TERT: variants seen among roughly 807,000 people sequenced by gnomAD.
The protein encoded by TERT is telomerase catalytic subunit.
In TERT, 42 loss-of-function variants were observed where a neutral mutation model predicts 104.0. The observed-to-expected ratio is 0.40, with a 90% CI of 0.32 to 0.52. The LOEUF is 0.52. Ranked by LOEUF, TERT falls within the 20% of genes least tolerant of loss-of-function variation. TERT has a pLI of 0.43. For synonymous variants in TERT, 781 were observed against 725.6 expected, an observed-to-expected ratio of 1.08 and a Z score of -1.23; for missense variants, 1,101 against 1,610.3, an observed-to-expected ratio of 0.68 and a Z score of 5.41.
In TERT at chr5:1,287,266, G is replaced by A. The variant is rs1047618394; in HGVS notation, c.1574-4642C>T. Reference sequence around the variant, plus strand: ...CTGTAATTCAGCACTTTGGGAAGCCGAGGTAGATGGATCCCTTGAGTCCAA... The same window carrying A: ...CTGTAATTCAGCACTTTGGGAAGCCAAGGTAGATGGATCCCTTGAGTCCAA... On this transcript the variant is annotated intron_variant, in intron 2 of 15. Transcript: ENST00000310581. The surrounding 1 kb of genome is among the most constrained non-coding windows in gnomAD (Gnocchi z 4.3). Among the ~76,000 whole-genome samples the A allele has an allele frequency of 5.3e-5, 8 of 151,986 alleles. No homozygotes were observed. The South Asian group carries it at 1.2e-3, about 24-fold the overall frequency.
intron 6 of TERT, among the ~76,000 whole-genome samples, chr5:1,277,052 C>T (rs539571775): frequency 2.8e-4 from 42 of 152,330 alleles, no homozygotes; most frequent in Non-Finnish European, 4.9e-4. Flanking sequence ...CGGGGCAGGA[C>T]GGACAGCCAC....
In TERT at chr5:1,270,667, G is replaced by A. The variant is rs576612828; in HGVS notation, c.2468+452C>T. ...TCTAGTCACAGAGAGAAGAGCCCGC[G>A]CCCTCGCGGGGGTCACACGACAGGG... On this transcript the variant is annotated intron_variant, in intron 8 of 15. Coordinates refer to ENST00000310581, the MANE Select transcript of TERT (RefSeq NM_198253.3). This position sits in a 1 kb window ranked among gnomAD's most constrained non-coding sequence, Gnocchi z 8.3. Among the ~76,000 whole-genome samples, 11 of 152,328 alleles carry A rather than the reference G, an allele frequency of 7.2e-5. No individual in the cohort carries two copies. The highest frequency in any genetic ancestry group is 2.4e-4 in the African/African-American group (10 of 41,576).
In TERT at chr5:1,293,325, G is replaced by C. The variant is rs1448835821; in HGVS notation, c.1561C>G (p.Arg521Gly). ...KMSVRDCAWL[R>G]RSPGVGCVPA... ...ACCACCTCCTCACCTGGGCTCCTGC[G>C]CAGCCAAGCGCAGTCCCGCACGCTC... is the stretch of plus-strand genomic sequence containing the variant. The change falls in exon 2 of 16, where the codon CGC becomes GGC. Residue 521 changes from arginine (R) to glycine (G), a missense_variant. Arg to Gly is a moderately radical substitution (Grantham distance 125). Coordinates refer to ENST00000310581, the MANE Select transcript of TERT (RefSeq NM_198253.3). 6.2e-7 allele frequency: 1 copy of C among 1,613,006 alleles called. No individual in the cohort carries two copies. The highest frequency in any genetic ancestry group is 8.5e-7 in the Non-Finnish European group (1 of 1,179,996).
intron 3 of TERT, 66 bp downstream of exon 3, chr5:1,282,363 C>A (rs1750076964): frequency 1.3e-6 from 2 of 1,541,964 alleles, no homozygotes; most frequent in South Asian, 1.1e-5. Flanking sequence ...GAGACAGGCG[C>A]ATGCTGAGGC....
rs1243681370 is a variant in TERT at position 1,253,554 on chromosome 5, C to A, written c.*174G>T. The A allele has an allele frequency of 3.1e-6, 2 of 646,730 alleles. No individual in the cohort carries two copies. The highest frequency in any genetic ancestry group is 4.6e-5 in the Admixed American group (2 of 43,918). 40.1% of individuals were successfully genotyped at this position (646,730 alleles called of 1,614,324 possible). A position where few individuals can be genotyped will look rare whatever the true frequency, so the allele number is the denominator to read the frequency against. On this transcript the variant is annotated 3_prime_UTR_variant, in exon 16 of 16. Transcript: ENST00000310581. Reference sequence around the variant, plus strand: ...GGCTGGACACTCGCTCAGGCCTCAGCCGGACACTCAGCCTTCAGCCGGACA... The same window carrying A: ...GGCTGGACACTCGCTCAGGCCTCAGACGGACACTCAGCCTTCAGCCGGACA...
chr5:1,291,068 T>A (rs1750895002), intron 2 of TERT, among the ~76,000 whole-genome samples: 1 of 126,408 alleles, frequency 7.9e-6, no homozygotes, highest in Non-Finnish European at 1.6e-5. Context: ...AGTGCCTCAC[T>A]CACCCTACAC....
rs1331960299 is a variant in TERT at position 1,257,146 on chromosome 5, G to C, written c.3032+1452C>G. Among the ~76,000 whole-genome samples, 3 of 152,190 alleles carry C rather than the reference G, an allele frequency of 2.0e-5. No homozygotes were observed. The East Asian group carries it at 5.8e-4, about 29-fold the overall frequency. On this transcript the variant is annotated intron_variant, in intron 13 of 15. Transcript: ENST00000310581. The surrounding 1 kb of genome is among the most constrained non-coding windows in gnomAD (Gnocchi z 5.6). ...TACCCAATCAAGCGACTACCCAAGG[G>C]TCCCCACATGGGTGGGGAAACTCAG...
At position 1,269,857 on chromosome 5, in the gene TERT, C is replaced by T. The variant is rs1228044361; in HGVS notation, c.2469-1224G>A. Among the ~76,000 whole-genome samples the T allele has an allele frequency of 1.3e-5, 2 of 152,094 alleles. No individual in the cohort carries two copies. The highest frequency in any genetic ancestry group is 4.8e-5 in the African/African-American group (2 of 41,412). ...TTTTTATTCAGAGGCCAAACTGGACCACGATGGGGACTAGAGCTTCGGGCC... is the reference window on the plus strand; with the variant it reads ...TTTTTATTCAGAGGCCAAACTGGACTACGATGGGGACTAGAGCTTCGGGCC... On this transcript the variant is annotated intron_variant, in intron 8 of 15. Coordinates refer to ENST00000310581, the MANE Select transcript of TERT (RefSeq NM_198253.3). This position sits in a 1 kb window ranked among gnomAD's most constrained non-coding sequence, Gnocchi z 9.0.
rs755822641 is a variant in TERT, at chr5:1,272,214, G to A, written c.2353C>T (p.Pro785Ser). 1.9e-6 allele frequency: 3 copies of A among 1,612,806 alleles called. No homozygotes were observed. The Admixed American group carries it at 5.0e-5, about 27-fold the overall frequency. The change falls in exon 7 of 16, where the codon CCG becomes TCG. Residue 785 changes from proline (P) to serine (S), a missense_variant. Physicochemically the swap from Pro to Ser is moderately conservative, Grantham distance 74. Transcript: ENST00000310581. The part of the protein sequence containing the change: ...QFVAHLQETS[P>S]LRDAVVIEQS... ...TCGATGACGACGGCATCCCTCAGCG[G>A]GCTGGTCTCCTGCAGGTGAGCCACG... is the stretch of plus-strand genomic sequence containing the variant.
Position 1,271,628 on chromosome 5 carries a change from G to A in TERT, c.2383-424C>T, listed in dbSNP as rs535421930. Among the ~76,000 whole-genome samples the A allele has an allele frequency of 9.9e-5, 15 of 151,918 alleles. No individual in the cohort carries two copies. In the South Asian group the frequency reaches 2.3e-3, roughly 23 times the overall value. On this transcript the variant is annotated intron_variant, in intron 7 of 15. Coordinates refer to ENST00000310581, the MANE Select transcript of TERT (RefSeq NM_198253.3). The stretch of plus-strand genomic sequence containing the variant: ...GTGGACACGACTGTCCCCTAGAGCC[G>A]AGCAAGTGCTAACAGGCATCTGCAA...
At position 1,268,805 on chromosome 5, in the gene TERT, C is replaced by T. The variant is rs1748815269; in HGVS notation, c.2469-172G>A. On this transcript the variant is annotated intron_variant, in intron 8 of 15. Coordinates refer to ENST00000310581, the MANE Select transcript of TERT (RefSeq NM_198253.3). This position sits in a 1 kb window ranked among gnomAD's most constrained non-coding sequence, Gnocchi z 5.5. ...GATGAGACCTCTGAACAAACAATCC[C>T]TGCTCCCCACTCTCACCATGCACTG... Among the ~76,000 whole-genome samples, 1 of 152,222 alleles carries T rather than the reference C, an allele frequency of 6.6e-6. No homozygotes were observed. Among genetic ancestry groups the T allele is most frequent in the East Asian group, 1.9e-4 (1 of 5,198 alleles).
At chr5:1,259,803 T>C (rs1273318630) in intron 12 of TERT, among the ~76,000 whole-genome samples, 44 of 83,268 alleles carry the variant, frequency 5.3e-4, no homozygotes, top group East Asian at 1.3e-3. Flanking sequence ...AGGGAGTGGA[T>C]GCAGATGCCC....
Position 1,256,514 on chromosome 5 carries a change from C to T in TERT, c.3033-1103G>A, listed in dbSNP as rs369077310. ...GTGCCTGAGCCCCCCATGTACCTGG[C>T]CTCACCCACTGCCTGAGCCCCCCGT... is the stretch of plus-strand genomic sequence containing the variant. On this transcript the variant is annotated intron_variant, in intron 13 of 15. Coordinates refer to ENST00000310581, the MANE Select transcript of TERT (RefSeq NM_198253.3). This position sits in a 1 kb window ranked among gnomAD's most constrained non-coding sequence, Gnocchi z 7.0. Among the ~76,000 whole-genome samples, 102 of 125,568 alleles carry T rather than the reference C, an allele frequency of 8.1e-4. No individual in the cohort carries two copies. Among genetic ancestry groups the T allele is most frequent in the Middle Eastern group, 4.4e-3 (1 of 228 alleles). 82.4% of individuals were successfully genotyped at this position (125,568 alleles called of 152,430 possible).
At position 1,282,632 on chromosome 5, in the gene TERT, G is replaced by A. The variant is rs957049391; in HGVS notation, c.1574-8C>T. The A allele has an allele frequency of 2.5e-5, 40 of 1,613,410 alleles. No individual in the cohort carries two copies. In the East Asian group the frequency reaches 2.9e-4, roughly 12 times the overall value. ...CCGGAACACAGCCAACCCCTTAAACGAGAAGGACATGCCACATCCAGATCA... is the reference window on the plus strand; with the variant it reads ...CCGGAACACAGCCAACCCCTTAAACAAGAAGGACATGCCACATCCAGATCA... On this transcript the variant is annotated splice_polypyrimidine_tract_variant and splice_region_variant and intron_variant, in intron 2 of 15. Transcript: ENST00000310581.
intron 2 of TERT, among the ~76,000 whole-genome samples, chr5:1,289,378 G>C (rs1396631547): frequency 1.5e-4 from 15 of 99,374 alleles, no homozygotes; most frequent in South Asian, 8.1e-4. Context: ...ACCCGGGGAC[G>C]GGGCCTCACT....
intron 6 of TERT, among the ~76,000 whole-genome samples, chr5:1,272,589 G>C (rs183675339): frequency 3.4e-5 from 1 of 29,058 alleles, no homozygotes; most frequent in Non-Finnish European, 6.2e-5. Context: ...CAGACCCTAC[G>C]ACCGCCATCC....
Position 1,266,872 on chromosome 5 carries a change from C to T in TERT, c.2583-337G>A, listed in dbSNP as rs575037295. 2.8e-4 allele frequency among the ~76,000 whole-genome samples: 43 copies of T among 152,288 alleles called. 1 individual carries two copies. Among genetic ancestry groups the T allele is most frequent in the South Asian group, 2.1e-3 (10 of 4,824 alleles). ...CGGTAAGAAAGCTGGGGCTGGGAAC[C>T]TCGCCCCCTCTGAGCCACGTGGTGC... On this transcript the variant is annotated intron_variant, in intron 9 of 15. Transcript: ENST00000310581.
chr5:1,275,742 T>C (rs13156167), intron 6 of TERT, among the ~76,000 whole-genome samples: 6,783 of 74,148 alleles, frequency 0.091, 150 homozygotes, highest in Middle Eastern at 0.21. Context: ...TCCCCACCTA[T>C]CCCACACATG....
Position 1,271,724 on chromosome 5 carries a change from T to A in TERT, c.2382+461A>T, listed in dbSNP as rs146006629. Among the ~76,000 whole-genome samples the A allele has an allele frequency of 4.1e-3, 622 of 152,280 alleles. 5 individuals are homozygous for A. Among genetic ancestry groups the A allele is most frequent in the Non-Finnish European group, 7.1e-3 (480 of 68,004 alleles). On this transcript the variant is annotated intron_variant, in intron 7 of 15. Transcript: ENST00000310581. ...AGGGCCACGTGGACAGACCCAGCAC[T>A]GAGAGGCCCGCTCAGCGGGGCGTGG...
Sources: gnomAD v4.1 joint callset for allele counts (sites outside exome capture counted in the v4.1 genomes callset) on GRCh38, gnomAD v4.1.1 for gene constraint, Gnocchi (gnomAD v3.1) non-coding constraint, MANE v1.5 for transcripts, NCBI Gene and HGNC (gene_info 2026-07-23, HGNC 2026-07-21) for gene names.